The following AKT3 variants were observed in gnomAD, a reference collection of about 807,000 sequenced individuals.
AKT3 encodes AKT serine/threonine kinase 3.
AKT3 carries 15 observed loss-of-function variants against 65.3 expected under a neutral mutation model. That is an observed-to-expected ratio of 0.23 (90% CI 0.15 to 0.35). The LOEUF (loss-of-function observed/expected upper bound fraction) is 0.35. AKT3 is among the 10% of genes least tolerant of loss of function. The pLI is 1.00. For missense variants in AKT3, 243 were observed against 576.5 expected (o/e 0.42, Z 5.92); for synonymous variants, 206 against 183.8 (o/e 1.12, Z -0.98).
At chr1:243,767,276 C>T (rs1406100328) in intron 2 of AKT3, among the ~76,000 whole-genome samples, 1 of 151,992 alleles carries the variant, frequency 6.6e-6, no homozygotes, top group East Asian at 1.9e-4. Flanking sequence ...GAGGAGGGGG[C>T]AATCAATAAA....
rs778488043 is a variant in AKT3 at position 243,499,765 on chromosome 1, A to G, written c.*5484T>C. On this transcript the variant is annotated 3_prime_UTR_variant, in exon 14 of 14. Transcript: ENST00000673466. ...TTATTATTTTTTCCAGTTACCCAGC[A>G]TGCCACAATCTGATTGCTGACCTGG... is the stretch of plus-strand genomic sequence containing the variant. 4 of 1,612,424 alleles carry G rather than the reference A, an allele frequency of 2.5e-6. No homozygotes were observed. Among genetic ancestry groups the G allele is most frequent in the Middle Eastern group, 3.3e-4 (2 of 6,060 alleles).
chr1:243,746,762 A>G (rs919989181), intron 2 of AKT3, among the ~76,000 whole-genome samples: 37 of 152,206 alleles, frequency 2.4e-4, no homozygotes, highest in African/African-American at 8.4e-4. Flanking sequence ...TTCCCTTGAT[A>G]ATCTCCACTA....
chr1:243,577,328 G>A (rs1303774973), intron 8 of AKT3, among the ~76,000 whole-genome samples: 1 of 152,106 alleles, frequency 6.6e-6, no homozygotes, highest in Admixed American at 6.5e-5. Context: ...TATATTTTTA[G>A]TAGAGATGGG....
chr1:243,526,779 T>TAAAAAAAAAA (rs1180642142), intron 12 of AKT3, among the ~76,000 whole-genome samples: 1 of 15,168 alleles, frequency 6.6e-5, no homozygotes. Flanking sequence ...AAAAAATGGT[T>TAAAAAAAAAA]AAAAAAAAAA....
chr1:243,690,838 G>A (rs182499841), intron 3 of AKT3, among the ~76,000 whole-genome samples: 125 of 152,188 alleles, frequency 8.2e-4, no homozygotes, highest in Non-Finnish European at 5.9e-4. Context: ...AAAGATCACT[G>A]AATTTCTAAA....
At chr1:243,799,612 G>GAA (rs1692259052) in intron 2 of AKT3, among the ~76,000 whole-genome samples, 1 of 152,144 alleles carries the variant, frequency 6.6e-6, no homozygotes, top group Non-Finnish European at 1.5e-5. Flanking sequence ...AAATGAGGTA[G>GAA]AAATAAAAAG....
At chr1:243,610,644 A>T (rs975061080) in intron 8 of AKT3, among the ~76,000 whole-genome samples, 2 of 152,204 alleles carry the variant, frequency 1.3e-5, no homozygotes, top group African/African-American at 4.8e-5. Context: ...AACACAAAAG[A>T]TACTGAAAAA....
chr1:243,706,668 G>A (rs138434712), intron 2 of AKT3, among the ~76,000 whole-genome samples: 1 of 152,242 alleles, frequency 6.6e-6, no homozygotes, highest in African/African-American at 2.4e-5. Context: ...ACAATGTACT[G>A]ATTGAGTCTT....
At chr1:243,789,098 C>G (rs1020823149) in intron 2 of AKT3, among the ~76,000 whole-genome samples, 2 of 152,210 alleles carry the variant, frequency 1.3e-5, no homozygotes, top group African/African-American at 4.8e-5. Flanking sequence ...CAATGCCTGG[C>G]CAGGGGTGGT....
At chr1:243,581,584 A>C (rs535096469) in intron 8 of AKT3, among the ~76,000 whole-genome samples, 3 of 152,118 alleles carry the variant, frequency 2.0e-5, no homozygotes, top group African/African-American at 7.2e-5. Context: ...AAAGAAAAAG[A>C]AAGAAAAAAT....
intron 2 of AKT3, among the ~76,000 whole-genome samples, chr1:243,750,242 C>T (rs1418600215): frequency 6.6e-6 from 1 of 152,150 alleles, no homozygotes; most frequent in Non-Finnish European, 1.5e-5. Flanking sequence ...TATTTCAAAT[C>T]ATAATTCACT....
At chr1:243,580,222 C>T (rs775731509) in intron 8 of AKT3, among the ~76,000 whole-genome samples, 2 of 152,150 alleles carry the variant, frequency 1.3e-5, no homozygotes, top group Non-Finnish European at 2.9e-5. Flanking sequence ...GCCCCACTGA[C>T]GGCATCCAGC....
intron 2 of AKT3, among the ~76,000 whole-genome samples, chr1:243,753,686 T>C (rs969148435): frequency 2.6e-5 from 4 of 152,204 alleles, no homozygotes; most frequent in African/African-American, 4.8e-5. Flanking sequence ...CATTTCATCA[T>C]AATATATTCC....
At chr1:243,642,957 AG>A (rs1461417928) in intron 5 of AKT3, among the ~76,000 whole-genome samples, 1 of 152,234 alleles carries the variant, frequency 6.6e-6, no homozygotes. Context: ...ACAATGTAAC[AG>A]CAAAACCAAG....
chr1:243,571,303 G>A (rs889939057), intron 9 of AKT3, among the ~76,000 whole-genome samples: 2 of 152,136 alleles, frequency 1.3e-5, no homozygotes, highest in Admixed American at 1.3e-4. Flanking sequence ...GCGACAGAGC[G>A]AGACTCCATC....
At position 243,798,393 on chromosome 1, in the gene AKT3, ATTTTTTT is replaced by A. The variant is rs759264137; in HGVS notation, c.46+44725_46+44731del. ...CACCACTACACCTGGCTAATTTTTA[ATTTTTTT>A]TTTTTTTTTTTTTTTTTGTTTTGTA... On this transcript the variant is annotated intron_variant, in intron 2 of 13. Coordinates refer to ENST00000673466, the MANE Select transcript of AKT3 (RefSeq NM_005465.7). Among the ~76,000 whole-genome samples, 138 of 83,328 alleles carry A rather than the reference ATTTTTTT, an allele frequency of 1.7e-3. 1 individual carries two copies. The highest frequency in any genetic ancestry group is 4.7e-3 in the African/African-American group (99 of 20,960). The allele number at this position is 83,328 out of a possible 152,430, so 54.7% of individuals were successfully genotyped here. A position where few individuals can be genotyped will look rare whatever the true frequency, so the allele number is the denominator to read the frequency against.
chr1:243,501,232 A>C lies in AKT3; in HGVS notation c.*4017T>G, dbSNP rs1669266641. On this transcript the variant is annotated 3_prime_UTR_variant, in exon 14 of 14. Coordinates refer to ENST00000673466, the MANE Select transcript of AKT3 (RefSeq NM_005465.7). ...AAAAAGGCCCCATCCAGAATGATTC[A>C]ACGTGAAGTCAGACTGCAGTCCAGC... 4.3e-6 allele frequency: 1 copy of C among 232,748 alleles called. No homozygotes were observed. Among genetic ancestry groups the C allele is most frequent in the South Asian group, 1.8e-4 (1 of 5,522 alleles). The allele number at this position is 232,748 out of a possible 1,614,324, so 14.4% of individuals were successfully genotyped here.
intron 6 of AKT3, among the ~76,000 whole-genome samples, chr1:243,615,534 T>C (rs1036355931): frequency 3.3e-5 from 5 of 152,214 alleles, no homozygotes; most frequent in Admixed American, 2.0e-4. Flanking sequence ...ATCTCCATGT[T>C]TGTAATACAT....
intron 13 of AKT3, among the ~76,000 whole-genome samples, chr1:243,506,008 G>A (rs997020865): frequency 6.6e-6 from 1 of 152,230 alleles, no homozygotes; most frequent in Non-Finnish European, 1.5e-5. Flanking sequence ...CAGCTTTCCT[G>A]GTTTCCTGTA....
Sources: allele counts gnomAD v4.1 joint callset (sites outside exome capture counted in the v4.1 genomes callset), GRCh38; gene constraint gnomAD v4.1.1; transcripts MANE v1.5; gene names NCBI Gene and HGNC (gene_info 2026-07-23, HGNC 2026-07-21).